Variants in FRMD4A observed in about 807,000 individuals in gnomAD.
FRMD4A encodes FERM domain-containing protein 4A.
Under a neutral mutation model 129.1 loss-of-function variants are expected in FRMD4A, and 29 were observed. That is an observed-to-expected ratio of 0.22 (90% confidence interval 0.17 to 0.31). The LOEUF (loss-of-function observed/expected upper bound fraction) is 0.31, where lower values mean the gene tolerates loss of function less well. Among genes scored for constraint, FRMD4A ranks in the 10% least tolerant of loss-of-function variants. FRMD4A has a pLI of 1.00. For missense variants in FRMD4A, 1,272 were observed against 1,375.8 expected (o/e 0.92, Z 1.19); for synonymous variants, 634 against 571.6 (o/e 1.11, Z -1.56).
chr10:14,259,287 TAAG>T (rs1418217575), intron 2 of FRMD4A, among the ~76,000 whole-genome samples: 1 of 151,956 alleles, frequency 6.6e-6, no homozygotes, highest in African/African-American at 2.4e-5. Context: ...CACAAATTCA[TAAG>T]AATACAAAAC....
intron 2 of FRMD4A, among the ~76,000 whole-genome samples, chr10:14,063,471 G>A (rs1324584957): frequency 6.6e-6 from 1 of 151,920 alleles, no homozygotes; most frequent in Non-Finnish European, 1.5e-5. Flanking sequence ...GAAAATTGAG[G>A]TTCAGAGAGT....
In FRMD4A at chr10:13,882,092, C is replaced by T. The variant is rs865839179; in HGVS notation, c.46-23180G>A. On this transcript the variant is annotated intron_variant, in intron 2 of 24. Transcript: ENST00000357447. ...GAAATAAGAAGCCTCTAGATTGTGA[C>T]GGGCTTTTTCTTCCATGCTAAGGAC... Among the ~76,000 whole-genome samples the T allele has an allele frequency of 4.6e-5, 7 of 151,472 alleles. No homozygotes were observed. In the Middle Eastern group the frequency reaches 0.017, roughly 371 times the overall value.
chr10:14,318,044 A>G (rs1846813838), intron 2 of FRMD4A, among the ~76,000 whole-genome samples: 1 of 152,204 alleles, frequency 6.6e-6, no homozygotes, highest in Non-Finnish European at 1.5e-5. Context: ...TGTAGAGAAT[A>G]GAAGGAAAAC....
At chr10:14,249,747 G>A (rs1292337114) in intron 2 of FRMD4A, among the ~76,000 whole-genome samples, 1 of 152,166 alleles carries the variant, frequency 6.6e-6, no homozygotes, top group Non-Finnish European at 1.5e-5. Context: ...TTCCCGATAA[G>A]GGATGCATCA....
intron 2 of FRMD4A, among the ~76,000 whole-genome samples, chr10:14,221,066 G>C (rs1396621075): frequency 6.6e-6 from 1 of 152,146 alleles, no homozygotes; most frequent in Non-Finnish European, 1.5e-5. Flanking sequence ...ATTGAGGAAA[G>C]ACTTCCTGAA....
At chr10:13,919,812 C>T (rs2095050794) in intron 2 of FRMD4A, among the ~76,000 whole-genome samples, 2 of 152,042 alleles carry the variant, frequency 1.3e-5, no homozygotes, top group South Asian at 4.2e-4. Flanking sequence ...GTGGCATGTG[C>T]CTGTAATCCC....
intron 2 of FRMD4A, among the ~76,000 whole-genome samples, chr10:14,170,198 C>T (rs181547020): frequency 2.1e-4 from 32 of 152,182 alleles, no homozygotes; most frequent in African/African-American, 6.3e-4. Context: ...GACATCTTAC[C>T]TCTGTATCTA....
At position 13,858,908 on chromosome 10, in the gene FRMD4A, G is replaced by A. The variant is rs755291917; in HGVS notation, c.50C>T (p.Thr17Met). 18 of 1,588,930 alleles carry A rather than the reference G, an allele frequency of 1.1e-5. No homozygotes were observed. The highest frequency in any genetic ancestry group is 5.0e-5 in the Admixed American group (3 of 59,956). The change falls in exon 3 of 25, where the codon ACG becomes ATG. Residue 17 changes from threonine (T) to methionine (M), a missense_variant. Around this residue, in one of 2 missense-constraint regions of FRMD4A, gnomAD observed 300 missense variants for 483.6 expected, o/e 0.62. Transcript: ENST00000357447. ...ATGTACTTGACATCGGCGGCCCTCCGTCATCTAAGAGGGAAGAGAAATGGT... is the reference window on the plus strand; with the variant it reads ...ATGTACTTGACATCGGCGGCCCTCCATCATCTAAGAGGGAAGAGAAATGGT... Reference protein sequence around the residue: ...PDSALGLLMMTEGRRCQVHLL... With the variant: ...PDSALGLLMMMEGRRCQVHLL...
intron 2 of FRMD4A, among the ~76,000 whole-genome samples, chr10:14,131,476 C>T (rs891698696): frequency 6.6e-6 from 1 of 150,752 alleles, no homozygotes; most frequent in African/African-American, 2.4e-5. Context: ...AGTCCAGTTA[C>T]GTGTGACTGT....
intron 2 of FRMD4A, among the ~76,000 whole-genome samples, chr10:14,223,413 C>A (rs939234043): frequency 1.6e-4 from 24 of 152,094 alleles, no homozygotes; most frequent in African/African-American, 5.8e-4. Flanking sequence ...GCCGTTGGCT[C>A]CCCTGCATTT....
chr10:13,713,958 T>C lies in FRMD4A; in HGVS notation c.760-6845A>G, dbSNP rs867415363. Among the ~76,000 whole-genome samples the C allele has an allele frequency of 2.3e-4, 28 of 122,414 alleles. 1 individual carries two copies. The highest frequency in any genetic ancestry group is 8.0e-3 in the Middle Eastern group (2 of 250). 80.3% of individuals were successfully genotyped at this position (122,414 alleles called of 152,430 possible). ...TATACATATATGTAATACACACACA[T>C]ATATAATATATACATATATGTAATA... On this transcript the variant is annotated intron_variant, in intron 12 of 24. Transcript: ENST00000357447.
rs376518521 is a variant in FRMD4A, at chr10:14,121,200, T to G, written c.45+208858A>C. On this transcript the variant is annotated intron_variant, in intron 2 of 24. Coordinates refer to ENST00000357447, the MANE Select transcript of FRMD4A (RefSeq NM_018027.5). ...CTGGCCAACCTGGTGAAACCCCGTC[T>G]CTAGTAAACATACAAAAGTTAGCCG... Among the ~76,000 whole-genome samples the G allele has an allele frequency of 2.0e-5, 3 of 152,070 alleles. No homozygotes were observed. The South Asian group carries it at 6.2e-4, about 32-fold the overall frequency.
At chr10:14,170,999 C>T (rs1017349371) in intron 2 of FRMD4A, among the ~76,000 whole-genome samples, 1 of 145,756 alleles carries the variant, frequency 6.9e-6, no homozygotes, top group Admixed American at 7.1e-5. Context: ...TCACAAGACG[C>T]TGAATACGAG....
chr10:13,756,391 TATTA>T (rs2091863529), intron 8 of FRMD4A, among the ~76,000 whole-genome samples: 1 of 152,272 alleles, frequency 6.6e-6, no homozygotes, highest in South Asian at 2.1e-4. Flanking sequence ...GGTCTCGCTC[TATTA>T]CTCAGGCTGG....
intron 3 of FRMD4A, among the ~76,000 whole-genome samples, chr10:13,837,798 C>T (rs768145500): frequency 6.6e-6 from 1 of 152,238 alleles, no homozygotes; most frequent in Non-Finnish European, 1.5e-5. Context: ...ACCCTTAACA[C>T]ACACATCTCT....
intron 2 of FRMD4A, among the ~76,000 whole-genome samples, chr10:14,004,372 G>A (rs1291889559): frequency 3.9e-5 from 6 of 152,212 alleles, no homozygotes; most frequent in East Asian, 1.9e-4. Flanking sequence ...GTGAAACCCC[G>A]TCTCTACTAA....
intron 2 of FRMD4A, among the ~76,000 whole-genome samples, chr10:13,902,142 GAGTAGCT>G (rs71897151): frequency 0.24 from 35,777 of 151,752 alleles, 4,416 homozygotes; most frequent in Middle Eastern, 0.37. Context: ...TCAGCCTCCT[GAGTAGCT>G]GGGGCTACAG....
intron 15 of FRMD4A, chr10:13,685,173 AC>A: frequency 1.0e-6 from 1 of 984,932 alleles, no homozygotes; most frequent in Non-Finnish European, 1.2e-6. Flanking sequence ...TGCTTGGAGA[AC>A]TTTTCATCAG....
chr10:14,319,218 T>C (rs1217340543), intron 2 of FRMD4A, among the ~76,000 whole-genome samples: 1 of 152,162 alleles, frequency 6.6e-6, no homozygotes, highest in African/African-American at 2.4e-5. Context: ...AGACAAGCCA[T>C]TCCCACTGTA....
Sources: gnomAD v4.1 joint callset for allele counts (sites outside exome capture counted in the v4.1 genomes callset) on GRCh38, gnomAD v4.1.1 for gene constraint, gnomAD v4.1.1 regional missense constraint, MANE v1.5 for transcripts, NCBI Gene and HGNC (gene_info 2026-07-23, HGNC 2026-07-21) for gene names.